The following MAML1 variants were observed in gnomAD, a reference collection of about 807,000 sequenced individuals.
The protein encoded by MAML1 is mastermind-like protein 1.
A neutral mutation model predicts 77.1 loss-of-function variants in MAML1; 14 were observed. That is an observed-to-expected ratio of 0.18 (90% confidence interval 0.12 to 0.28). The LOEUF is 0.28. Among genes scored for constraint, MAML1 ranks in the 10% least tolerant of loss-of-function variants. The probability of loss-of-function intolerance (pLI) is 1.00; values close to 1 mark genes in which losing one functional copy is unlikely to be tolerated. For missense variants in MAML1, 1,217 were observed against 1,327.8 expected (o/e 0.92, Z 1.30); for synonymous variants, 516 against 551.9 (o/e 0.93, Z 0.91).
At position 179,768,945 on chromosome 5, in the gene MAML1, C is replaced by T. The variant is rs539696302; in HGVS notation, c.1827C>T (p.Ser609=). The T allele has an allele frequency of 1.9e-6, 3 of 1,614,192 alleles. No individual in the cohort carries two copies. Among genetic ancestry groups the T allele is most frequent in the Non-Finnish European group, 2.5e-6 (3 of 1,180,052 alleles). Residue 609 remains serine, a synonymous_variant, in exon 3 of 5, where the codon TCC becomes TCT. Transcript: ENST00000292599. The part of the protein sequence containing the change: ...AVSVASSHNS[S]PYLSSQQQAA... ...CCGTGGCCAGCTCCCACAACAGCTC[C>T]CCCTATCTCAGCAGCCAGCAACAGG...
chr5:179,765,124 G>A lies in MAML1; in HGVS notation c.316-202G>A, dbSNP rs1239102006. Among the ~76,000 whole-genome samples, 3 of 151,972 alleles carry A rather than the reference G, an allele frequency of 2.0e-5. No homozygotes were observed. In the East Asian group the frequency reaches 5.8e-4, roughly 29 times the overall value. ...CTCCTGCAGAAAGAGGACTGCAGAAGCACTTTAGCTAGACATCAGTTCTGA... is the reference window on the plus strand; with the variant it reads ...CTCCTGCAGAAAGAGGACTGCAGAAACACTTTAGCTAGACATCAGTTCTGA... On this transcript the variant is annotated intron_variant, in intron 1 of 4. Transcript: ENST00000292599.
chr5:179,746,792 AAGAATT>A (rs1454823198), intron 1 of MAML1, among the ~76,000 whole-genome samples: 1 of 152,264 alleles, frequency 6.6e-6, no homozygotes, highest in Non-Finnish European at 1.5e-5. Context: ...ATTGAAAACT[AAGAATT>A]AGAAACCATC....
chr5:179,737,066 G>A (rs1235705140), intron 1 of MAML1, among the ~76,000 whole-genome samples: 1 of 152,120 alleles, frequency 6.6e-6, no homozygotes, highest in East Asian at 1.9e-4. Context: ...CTGAGTCAGT[G>A]GGGGAAACTG....
intron 1 of MAML1, among the ~76,000 whole-genome samples, chr5:179,733,726 T>G (rs76897952): frequency 0.02 from 3,056 of 152,342 alleles, 109 homozygotes; most frequent in African/African-American, 0.069. Flanking sequence ...TGTTGAGATC[T>G]TTATTCGAAA....
At chr5:179,764,530 C>T (rs1488223756) in intron 1 of MAML1, among the ~76,000 whole-genome samples, 1 of 152,056 alleles carries the variant, frequency 6.6e-6, no homozygotes, top group African/African-American at 2.4e-5. Flanking sequence ...CATGGTGGCA[C>T]ATGCCTGTAA....
At position 179,775,980 on chromosome 5, in the gene MAML1, C is replaced by T. The variant is rs529409197; in HGVS notation, c.*1103C>T. 7 of 985,778 alleles carry T rather than the reference C, an allele frequency of 7.1e-6. No individual in the cohort carries two copies. The South Asian group carries it at 2.3e-4, about 33-fold the overall frequency. 61.1% of individuals were successfully genotyped at this position (985,778 alleles called of 1,614,324 possible). ...TTCCACTTGGTTTGACAACTTCTGC[C>T]ACTCCCATGTCAGATGACTTGCACT... is the stretch of plus-strand genomic sequence containing the variant. On this transcript the variant is annotated 3_prime_UTR_variant, in exon 5 of 5. Transcript: ENST00000292599.
At chr5:179,754,144 G>A (rs568099648) in intron 1 of MAML1, among the ~76,000 whole-genome samples, 3 of 152,260 alleles carry the variant, frequency 2.0e-5, no homozygotes, top group Admixed American at 6.5e-5. Flanking sequence ...TTAGCTGGGT[G>A]TGGTGGCTCC....
chr5:179,772,512 C>G (rs1756022437), intron 4 of MAML1, among the ~76,000 whole-genome samples: 1 of 152,170 alleles, frequency 6.6e-6, no homozygotes, highest in African/African-American at 2.4e-5. Context: ...CCCACAAAAC[C>G]TAATTCAGTT....
intron 4 of MAML1, 65 bp from the exon 5 acceptor site, chr5:179,773,830 C>A: frequency 6.5e-7 from 1 of 1,538,856 alleles, no homozygotes; most frequent in Non-Finnish European, 8.8e-7. Flanking sequence ...GGTGCTGCGG[C>A]TCGAGTCTCA....
intron 1 of MAML1, among the ~76,000 whole-genome samples, chr5:179,742,613 G>A (rs1459007107): frequency 6.6e-6 from 1 of 152,058 alleles, no homozygotes; most frequent in Non-Finnish European, 1.5e-5. Flanking sequence ...GACCAGCCTG[G>A]CCAACATGGT....
At position 179,748,341 on chromosome 5, in the gene MAML1, C is replaced by CAGT. The variant is rs928099080; in HGVS notation, c.315+14915_315+14916insGTA. Reference sequence around the variant, plus strand: ...AAGTGATCCACCCACCTCAGCCTCTCAAAGTGCTGGGATTACAGCCATGAG... The same window carrying CAGT: ...AAGTGATCCACCCACCTCAGCCTCTCAGTAAAGTGCTGGGATTACAGCCATGAG... On this transcript the variant is annotated intron_variant, in intron 1 of 4. Coordinates refer to ENST00000292599, the MANE Select transcript of MAML1 (RefSeq NM_014757.5). Among the ~76,000 whole-genome samples, 80 of 152,110 alleles carry CAGT rather than the reference C, an allele frequency of 5.3e-4. 1 individual carries two copies. Among genetic ancestry groups the CAGT allele is most frequent in the African/African-American group, 1.9e-3 (77 of 41,384 alleles).
At chr5:179,752,342 A>T (rs867459025) in intron 1 of MAML1, among the ~76,000 whole-genome samples, 4,945 of 85,982 alleles carry the variant, frequency 0.058, 455 homozygotes, top group Admixed American at 0.17. Context: ...AAAAAAAAAA[A>T]AAAAAAAAAT....
intron 2 of MAML1, among the ~76,000 whole-genome samples, 194 bp from the exon 3 acceptor site, chr5:179,768,656 C>T (rs917896391): frequency 5.3e-5 from 8 of 152,198 alleles, no homozygotes; most frequent in Non-Finnish European, 8.8e-5. Flanking sequence ...AGTAATTGTT[C>T]GTTGCTAGGC....
intron 1 of MAML1, among the ~76,000 whole-genome samples, chr5:179,738,590 T>C (rs1278839860): frequency 1.3e-5 from 2 of 152,120 alleles, no homozygotes; most frequent in African/African-American, 4.8e-5. Flanking sequence ...TGAACAAATA[T>C]TCTCCACACT....
chr5:179,749,037 C>G (rs1321960783), intron 1 of MAML1, among the ~76,000 whole-genome samples: 1 of 151,622 alleles, frequency 6.6e-6, no homozygotes, highest in Non-Finnish European at 1.5e-5. Context: ...ATGATCTTGG[C>G]TCACTGCAAC....
At chr5:179,772,426 A>G (rs1305918508) in intron 4 of MAML1, among the ~76,000 whole-genome samples, 1 of 151,990 alleles carries the variant, frequency 6.6e-6, no homozygotes, top group African/African-American at 2.4e-5. Context: ...CCCAATTTTT[A>G]TTATATGGTT....
rs199770098 is a variant in MAML1, at chr5:179,766,057, C to G, written c.1047C>G (p.His349Gln). The change falls in exon 2 of 5, where the codon CAC (histidine) becomes CAG (glutamine). Residue 349 changes from histidine to glutamine, a missense_variant. His to Gln is a conservative substitution (Grantham distance 24). This residue lies in a region of MAML1 where 884 missense variants were observed against 949.3 expected (regional missense o/e 0.93). Coordinates refer to ENST00000292599, the MANE Select transcript of MAML1 (RefSeq NM_014757.5). This position sits in a 1 kb window ranked among gnomAD's most constrained non-coding sequence, Gnocchi z 4.0. The part of the protein sequence containing the change: ...PSLGGSQTLF[H>Q]TSGQPRADNP... ...TAGGGGGCTCCCAAACCTTATTCCA[C>G]ACCTCTGGTCAGCCCCGGGCGGACA... 2.8e-5 allele frequency: 45 copies of G among 1,588,072 alleles called. No individual in the cohort carries two copies. Among genetic ancestry groups the G allele is most frequent in the Non-Finnish European group, 3.7e-5 (43 of 1,168,854 alleles).
intron 2 of MAML1, among the ~76,000 whole-genome samples, chr5:179,767,278 T>G (rs1243129571): frequency 6.6e-6 from 1 of 152,160 alleles, no homozygotes; most frequent in African/African-American, 2.4e-5. Flanking sequence ...TCGGGTTGTT[T>G]CCTGTTTTCC....
chr5:179,753,654 AT>A (rs1209995171), intron 1 of MAML1, among the ~76,000 whole-genome samples: 27 of 88,848 alleles, frequency 3.0e-4, no homozygotes, highest in African/African-American at 8.0e-4. Context: ...TATTATTATT[AT>A]TTTTTTTTTT....
Sources: gnomAD v4.1 joint callset for allele counts (sites outside exome capture counted in the v4.1 genomes callset) on GRCh38, gnomAD v4.1.1 for gene constraint, gnomAD v4.1.1 regional missense constraint, Gnocchi (gnomAD v3.1) non-coding constraint, MANE v1.5 for transcripts, NCBI Gene and HGNC (gene_info 2026-07-23, HGNC 2026-07-21) for gene names.